The following NCKAP1 variants were observed in gnomAD, a reference collection of about 807,000 sequenced individuals.
NCKAP1 encodes the protein NCK associated protein 1.
A neutral mutation model predicts 151.2 loss-of-function variants in NCKAP1; 21 were observed. That is an observed-to-expected ratio of 0.14 (90% CI 0.10 to 0.20). The LOEUF (loss-of-function observed/expected upper bound fraction) is 0.20, where lower values mean the gene tolerates loss of function less well. NCKAP1 is among the 10% of genes least tolerant of loss of function. The pLI is 1.00. For synonymous variants in NCKAP1, 484 were observed against 451.8 expected (o/e 1.07, Z -0.90); for missense variants, 933 against 1,352.1 (o/e 0.69, Z 4.86).
chr2:182,942,552 G>C (rs1002982298), intron 23 of NCKAP1, among the ~76,000 whole-genome samples: 4 of 152,064 alleles, frequency 2.6e-5, no homozygotes, highest in African/African-American at 2.4e-5. Flanking sequence ...AGGCAGGCTA[G>C]AGTATGCCTG....
At chr2:182,979,504 G>C (rs73046226) in intron 13 of NCKAP1, among the ~76,000 whole-genome samples, 8,375 of 152,100 alleles carry the variant, frequency 0.055, 782 homozygotes, top group African/African-American at 0.19. Context: ...CTTTTAAAAA[G>C]TGGATGCTTA....
intron 9 of NCKAP1, among the ~76,000 whole-genome samples, 187 bp from the exon 10 acceptor site, chr2:182,986,414 T>TA (rs371887376): frequency 0.057 from 8,404 of 147,492 alleles, 347 homozygotes; most frequent in African/African-American, 0.12. Flanking sequence ...CAAGCCTTCC[T>TA]AAAAAAAAAA....
chr2:183,003,863 A>C (rs962190173), intron 2 of NCKAP1, among the ~76,000 whole-genome samples: 2 of 152,090 alleles, frequency 1.3e-5, no homozygotes, highest in African/African-American at 4.8e-5. Context: ...CAAAAACCAC[A>C]ACAACAAAAA....
chr2:183,024,012 G>GT lies in NCKAP1; in HGVS notation c.109-97dup, dbSNP rs1285645074. On this transcript the variant is annotated intron_variant, in intron 1 of 30. Coordinates refer to ENST00000361354, the MANE Select transcript of NCKAP1 (RefSeq NM_013436.5). ...ATTAGAAATTAAAGAGATATTTATT[G>GT]TTTTTGGTGAGCAGGTGATAAAATG... 1.8e-5 allele frequency: 18 copies of GT among 974,348 alleles called. No homozygotes were observed. In the East Asian group the frequency reaches 4.4e-4, roughly 24 times the overall value. The allele number at this position is 974,348 out of a possible 1,614,324, so 60.4% of individuals were successfully genotyped here. A position where few individuals can be genotyped will look rare whatever the true frequency, so the allele number is the denominator to read the frequency against.
At chr2:182,927,421 AT>A (rs769920180) in intron 29 of NCKAP1, among the ~76,000 whole-genome samples, 2 of 152,084 alleles carry the variant, frequency 1.3e-5, no homozygotes, top group Non-Finnish European at 2.9e-5. Context: ...TGCATTTGTA[AT>A]TTAAAAATTA....
intron 24 of NCKAP1, among the ~76,000 whole-genome samples, chr2:182,939,722 A>G (rs1696956644): frequency 6.6e-6 from 1 of 152,172 alleles, no homozygotes; most frequent in South Asian, 2.1e-4. Flanking sequence ...AGGAAGCACA[A>G]AAGAATTAAA....
intron 26 of NCKAP1, among the ~76,000 whole-genome samples, chr2:182,933,015 A>G (rs985920497): frequency 5.9e-5 from 9 of 152,222 alleles, no homozygotes; most frequent in African/African-American, 2.2e-4. Flanking sequence ...ATTTGGTATA[A>G]ATATAAGTAG....
intron 1 of NCKAP1, among the ~76,000 whole-genome samples, chr2:183,034,553 C>A (rs1575076916): frequency 6.6e-6 from 1 of 151,988 alleles, no homozygotes; most frequent in Non-Finnish European, 1.5e-5. Flanking sequence ...ACCACACACA[C>A]AAAAATTTAA....
intron 9 of NCKAP1, among the ~76,000 whole-genome samples, 175 bp downstream of exon 9, chr2:182,988,855 A>G (rs1471723397): frequency 6.6e-6 from 1 of 152,178 alleles, no homozygotes; most frequent in Non-Finnish European, 1.5e-5. Flanking sequence ...TGTAAAAAAC[A>G]TGATTATTAA....
rs537773552 is a variant in NCKAP1 at position 183,037,984 on chromosome 2, G to T, written c.108+8C>A. The T allele has an allele frequency of 4.4e-6, 7 of 1,573,986 alleles. No homozygotes were observed. The South Asian group carries it at 5.7e-5, about 13-fold the overall frequency. On this transcript the variant is annotated splice_region_variant and intron_variant, in intron 1 of 30. Coordinates refer to ENST00000361354, the MANE Select transcript of NCKAP1 (RefSeq NM_013436.5). ...GCCTCCGCCGCGGCCTCCCCGGCCC[G>T]TGCGCACCTTCTTGATGTTGTAGAG... is the stretch of plus-strand genomic sequence containing the variant.
intron 1 of NCKAP1, among the ~76,000 whole-genome samples, chr2:183,027,476 G>C (rs1435955446): frequency 1.3e-5 from 2 of 152,064 alleles, no homozygotes; most frequent in Non-Finnish European, 2.9e-5. Flanking sequence ...AAAAGAAGAA[G>C]TCTATGAAAA....
chr2:182,943,964 A>T (rs908284051), intron 23 of NCKAP1, among the ~76,000 whole-genome samples: 1 of 152,188 alleles, frequency 6.6e-6, no homozygotes, highest in African/African-American at 2.4e-5. Flanking sequence ...TTGTGCGCAT[A>T]AAAATTCTCT....
At chr2:182,936,093 C>T (rs557457388) in intron 24 of NCKAP1, among the ~76,000 whole-genome samples, 1 of 151,558 alleles carries the variant, frequency 6.6e-6, no homozygotes, top group Non-Finnish European at 1.5e-5. Flanking sequence ...CCTGTCTCTA[C>T]AAAAAATAAA....
rs1339800012 is a variant in NCKAP1, at chr2:182,925,803, G to A, written c.3286C>T (p.Pro1096Ser). The A allele has an allele frequency of 6.4e-7, 1 of 1,567,372 alleles. No individual in the cohort carries two copies. Among genetic ancestry groups the A allele is most frequent in the Non-Finnish European group, 8.6e-7 (1 of 1,157,014 alleles). ...LLLDMIVQES[P>S]FLTMDLLESC... is the part of the protein sequence containing the mutation. ...TCCAAAAGATCCATTGTAAGGAATG[G>A]AGATTCTTGTACAATCTGTAAAATT... Residue 1096 changes from proline (P) to serine (S), a missense_variant, in exon 31 of 31, where the codon CCA (proline) becomes TCA (serine). Transcript: ENST00000361354.
At chr2:182,995,889 GT>G (rs1205126785) in intron 6 of NCKAP1, 51 bp from the exon 7 acceptor site, 23 of 1,468,366 alleles carry the variant, frequency 1.6e-5, no homozygotes, top group Non-Finnish European at 2.1e-5. Context: ...TTCCTTTTCT[GT>G]TTACATTGCA....
chr2:183,032,975 G>A (rs531603876), intron 1 of NCKAP1, among the ~76,000 whole-genome samples: 1 of 152,312 alleles, frequency 6.6e-6, no homozygotes, highest in East Asian at 1.9e-4. Flanking sequence ...GCCTGAGCCA[G>A]GAGGCAGAGG....
In NCKAP1 at chr2:183,020,094, T is replaced by TA. The variant is rs1178180436; in HGVS notation, c.219+3711dup. Among the ~76,000 whole-genome samples, 3 of 152,020 alleles carry TA rather than the reference T, an allele frequency of 2.0e-5. No individual in the cohort carries two copies. The South Asian group carries it at 6.2e-4, about 32-fold the overall frequency. ...AAAACAAAAAACAAACAAAACAAAA[T>TA]AAAAAATCAACAATTTTTTAGCTGC... On this transcript the variant is annotated intron_variant, in intron 2 of 30. Coordinates refer to ENST00000361354, the MANE Select transcript of NCKAP1 (RefSeq NM_013436.5).
At position 182,921,358 on chromosome 2, in the gene NCKAP1, A is replaced by C. The variant is rs922542094; in HGVS notation, c.*4344T>G. The C allele has an allele frequency of 6.6e-6, 1 of 152,200 alleles. No individual in the cohort carries two copies. Among genetic ancestry groups the C allele is most frequent in the Admixed American group, 6.5e-5 (1 of 15,276 alleles). The allele number at this position is 152,200 out of a possible 1,614,324, so 9.4% of individuals were successfully genotyped here. On this transcript the variant is annotated 3_prime_UTR_variant, in exon 31 of 31. Coordinates refer to ENST00000361354, the MANE Select transcript of NCKAP1 (RefSeq NM_013436.5). ...TTTAGGTCTTGGTGAAATAATTTCA[A>C]GCCTTAGCCATTGGCATTTGGTCAG... is the stretch of plus-strand genomic sequence containing the variant.
At chr2:182,990,758 A>G (rs1281156361) in intron 8 of NCKAP1, among the ~76,000 whole-genome samples, 1 of 152,182 alleles carries the variant, frequency 6.6e-6, no homozygotes, top group Non-Finnish European at 1.5e-5. Context: ...CTATCTTGAC[A>G]CTTTAACATA....
Sources: allele counts gnomAD v4.1 joint callset (sites outside exome capture counted in the v4.1 genomes callset), GRCh38; gene constraint gnomAD v4.1.1; transcripts MANE v1.5; gene names NCBI Gene and HGNC (gene_info 2026-07-23, HGNC 2026-07-21).